TSPAN17: variants seen among roughly 807,000 people sequenced by gnomAD.
The protein encoded by TSPAN17 is tetraspanin-17.
A neutral mutation model predicts 40.5 loss-of-function variants in TSPAN17; 33 were observed. That is an observed-to-expected ratio of 0.81 (90% confidence interval 0.62 to 1.09). The LOEUF is 1.09. Among genes scored for constraint, TSPAN17 ranks in the 50% least tolerant of loss-of-function variants. TSPAN17 has a pLI of 0.00. For missense variants in TSPAN17, 365 were observed against 416.8 expected, an observed-to-expected ratio of 0.88 and a Z score of 1.08; for synonymous variants, 166 against 169.4, an observed-to-expected ratio of 0.98 and a Z score of 0.15.
rs1464005994 is a variant in TSPAN17 at position 176,651,663 on chromosome 5, G to A, written c.135G>A (p.Glu45=). The change falls in exon 2 of 9, where the codon GAG becomes GAA. Residue 45 remains glutamate (E), a synonymous_variant. Transcript: ENST00000508164. This position sits in a 1 kb window ranked among gnomAD's most constrained non-coding sequence, Gnocchi z 4.5. ...CTATCGGCCTCTGGGCCTGGGGTGAGAAGGTAAGGCAGCGGGCGGGCGTGG... is the reference window on the plus strand; with the variant it reads ...CTATCGGCCTCTGGGCCTGGGGTGAAAAGGTAAGGCAGCGGGCGGGCGTGG... ...FLAIGLWAWG[E]KGVLSNISAL... is the part of the protein sequence containing the mutation. 6.2e-7 allele frequency: 1 copy of A among 1,614,054 alleles called. No individual in the cohort carries two copies. Among genetic ancestry groups the A allele is most frequent in the Non-Finnish European group, 8.5e-7 (1 of 1,179,928 alleles).
At position 176,654,619 on chromosome 5, in the gene TSPAN17, T is replaced by G; in HGVS notation, c.457-276T>G. ...TCAGGTAGTCTGGAGGAAGCCACAG[T>G]CATTGAACCAGTATCCTTGTCCCAC... On this transcript the variant is annotated intron_variant, in intron 4 of 8. Transcript: ENST00000508164. The surrounding 1 kb of genome is among the most constrained non-coding windows in gnomAD (Gnocchi z 4.3). The G allele has an allele frequency of 2.4e-6, 1 of 420,778 alleles. No homozygotes were observed. Among genetic ancestry groups the G allele is most frequent in the South Asian group, 3.1e-5 (1 of 31,838 alleles). 26.1% of individuals were successfully genotyped at this position (420,778 alleles called of 1,614,324 possible).
chr5:176,654,549 C>T lies in TSPAN17; in HGVS notation c.457-346C>T. On this transcript the variant is annotated intron_variant, in intron 4 of 8. Coordinates refer to ENST00000508164, the MANE Select transcript of TSPAN17 (RefSeq NM_130465.5). This position sits in a 1 kb window ranked among gnomAD's most constrained non-coding sequence, Gnocchi z 4.3. The stretch of plus-strand genomic sequence containing the variant: ...TGGGAGGCCTGCTGCAGACATGGGG[C>T]CCAGCGGTCTCTGCTGCCACAGGGC... The T allele has an allele frequency of 4.0e-6, 1 of 249,856 alleles. No individual in the cohort carries two copies. The highest frequency in any genetic ancestry group is 6.4e-5 in the South Asian group (1 of 15,506). The allele number at this position is 249,856 out of a possible 1,614,324, so 15.5% of individuals were successfully genotyped here. A position where few individuals can be genotyped will look rare whatever the true frequency, so the allele number is the denominator to read the frequency against.
chr5:176,652,834 A>ACCT lies in TSPAN17; in HGVS notation c.379_381dup (p.Leu127dup). ...AAGGACTGGATTCGAGACCAGCTCA[A>ACCT]CCTCTTCATCAACAACAACGTCAAG... On this transcript the variant is annotated inframe_insertion, in exon 4 of 9. Coordinates refer to ENST00000508164, the MANE Select transcript of TSPAN17 (RefSeq NM_130465.5). 6.2e-7 allele frequency: 1 copy of ACCT among 1,614,178 alleles called. No homozygotes were observed.
rs1286209562 is a variant in TSPAN17, at chr5:176,657,629, C to T, written c.921C>T (p.Ala307=). 6.2e-7 allele frequency: 1 copy of T among 1,612,960 alleles called. No homozygotes were observed. Among genetic ancestry groups the T allele is most frequent in the Admixed American group, 1.7e-5 (1 of 59,738 alleles). Residue 307 remains alanine, a synonymous_variant, in exon 9 of 9, where the codon GCC becomes GCT. Transcript: ENST00000508164. ...QNSLTGAPGP[A]PPSRHVFFGL... ...CTCTGACTGGGGCCCCTGGCCCGGCCCCACCCAGCCGACATGTTTTCTTTG... is the reference window on the plus strand; with the variant it reads ...CTCTGACTGGGGCCCCTGGCCCGGCTCCACCCAGCCGACATGTTTTCTTTG...
At chr5:176,652,981 G>T in intron 4 of TSPAN17, 68 bp downstream of exon 4, 1 of 1,553,844 alleles carries the variant, frequency 6.4e-7, no homozygotes, top group East Asian at 2.2e-5. Flanking sequence ...GAGGGAGCAA[G>T]TTCCCTGTGA....
intron 5 of TSPAN17, among the ~76,000 whole-genome samples, chr5:176,655,444 G>A (rs1270433761): frequency 6.6e-6 from 1 of 152,188 alleles, no homozygotes; most frequent in Non-Finnish European, 1.5e-5. Context: ...GTAGCAGGGA[G>A]TGGGGACCTC....
At chr5:176,655,863 T>G (rs1276848660) in intron 5 of TSPAN17, among the ~76,000 whole-genome samples, 1 of 149,964 alleles carries the variant, frequency 6.7e-6, no homozygotes, top group African/African-American at 2.5e-5. Context: ...ATCGTGCCAC[T>G]GCACTCCAGC....
At chr5:176,653,120 G>A (rs536802916) in intron 4 of TSPAN17, 40 of 510,242 alleles carry the variant, frequency 7.8e-5, no homozygotes, top group African/African-American at 5.5e-4. Context: ...ATAGGGCCAC[G>A]GCCTTGGGAA....
chr5:176,653,216 A>G, intron 4 of TSPAN17: 2 of 259,400 alleles, frequency 7.7e-6, no homozygotes, highest in South Asian at 1.6e-4. Flanking sequence ...CATAAAATAT[A>G]GATTTCTACT....
In TSPAN17 at chr5:176,650,733, C is replaced by A. The variant is rs375739201; in HGVS notation, c.88-883C>A. On this transcript the variant is annotated intron_variant, in intron 1 of 8. Coordinates refer to ENST00000508164, the MANE Select transcript of TSPAN17 (RefSeq NM_130465.5). The surrounding 1 kb of genome is among the most constrained non-coding windows in gnomAD (Gnocchi z 4.0). ...GTGGCTATGTGCTGAGGGGAAGGAG[C>A]CTGCAGATAAAGCAGGTGGGTGGGG... Among the ~76,000 whole-genome samples the A allele has an allele frequency of 6.6e-6, 1 of 152,144 alleles. No individual in the cohort carries two copies. Among genetic ancestry groups the A allele is most frequent in the East Asian group, 1.9e-4 (1 of 5,182 alleles).
chr5:176,652,998 C>A, intron 4 of TSPAN17, 85 bp downstream of exon 4: 1 of 1,448,838 alleles, frequency 6.9e-7, no homozygotes, highest in Non-Finnish European at 9.6e-7. Flanking sequence ...GTGATGGGAC[C>A]ATCTCCTTAC....
At chr5:176,648,379 G>A (rs1322546656) in intron 1 of TSPAN17, among the ~76,000 whole-genome samples, 2 of 152,162 alleles carry the variant, frequency 1.3e-5, no homozygotes, top group Admixed American at 6.5e-5. Context: ...GCTCCTGGGC[G>A]GGTCTGCCCC....
In TSPAN17 at chr5:176,654,718, C is replaced by A; in HGVS notation, c.457-177C>A. 1 of 718,504 alleles carries A rather than the reference C, an allele frequency of 1.4e-6. No individual in the cohort carries two copies. The highest frequency in any genetic ancestry group is 2.3e-6 in the Non-Finnish European group (1 of 443,452). The allele number at this position is 718,504 out of a possible 1,614,324, so 44.5% of individuals were successfully genotyped here. On this transcript the variant is annotated intron_variant, in intron 4 of 8. Transcript: ENST00000508164. The surrounding 1 kb of genome is among the most constrained non-coding windows in gnomAD (Gnocchi z 4.3). ...TGTCCCCTCCCTTGCACCCCTCTGC[C>A]TCCACCAGCCTGGAGGTTGGGCCCA...
In TSPAN17 at chr5:176,650,717, T is replaced by C. The variant is rs1760934244; in HGVS notation, c.88-899T>C. ...GATAAAGGCCTTGGCCGTGGCTATG[T>C]GCTGAGGGGAAGGAGCCTGCAGATA... On this transcript the variant is annotated intron_variant, in intron 1 of 8. Coordinates refer to ENST00000508164, the MANE Select transcript of TSPAN17 (RefSeq NM_130465.5). The surrounding 1 kb of genome is among the most constrained non-coding windows in gnomAD (Gnocchi z 4.0). Among the ~76,000 whole-genome samples, 1 of 152,042 alleles carries C rather than the reference T, an allele frequency of 6.6e-6. No individual in the cohort carries two copies. The highest frequency in any genetic ancestry group is 6.6e-5 in the Admixed American group (1 of 15,266).
intron 8 of TSPAN17, 158 bp from the exon 9 acceptor site, chr5:176,657,360 C>T: frequency 1.5e-6 from 2 of 1,304,810 alleles, no homozygotes; most frequent in Non-Finnish European, 2.1e-6. Context: ...CTGTGCGTAG[C>T]TGTATGGGGC....
chr5:176,655,726 C>A (rs1053506428), intron 5 of TSPAN17, among the ~76,000 whole-genome samples: 1 of 108,762 alleles, frequency 9.2e-6, no homozygotes, highest in Admixed American at 1.1e-4. Flanking sequence ...AGTGAGACCT[C>A]GTGTCTACAA....
At chr5:176,657,385 A>G (rs1237721154) in intron 8 of TSPAN17, 133 bp from the exon 9 acceptor site, 5 of 1,453,756 alleles carry the variant, frequency 3.4e-6, no homozygotes, top group Non-Finnish European at 1.8e-6. Flanking sequence ...TGCCTGAGCC[A>G]CTGCCTCACA....
At chr5:176,655,154 G>A in intron 5 of TSPAN17, 134 bp downstream of exon 5, 1 of 1,173,290 alleles carries the variant, frequency 8.5e-7, no homozygotes, top group Non-Finnish European at 1.2e-6. Context: ...TTACATGGGT[G>A]GCACTGAGGC....
chr5:176,655,608 T>C (rs1407915607), intron 5 of TSPAN17, among the ~76,000 whole-genome samples: 1 of 151,998 alleles, frequency 6.6e-6, no homozygotes, highest in Non-Finnish European at 1.5e-5. Context: ...AGGTTGGCGA[T>C]TGCAGCCACG....
Sources: allele counts gnomAD v4.1 joint callset (sites outside exome capture counted in the v4.1 genomes callset), GRCh38; gene constraint gnomAD v4.1.1; non-coding constraint Gnocchi (gnomAD v3.1); transcripts MANE v1.5; gene names NCBI Gene and HGNC (gene_info 2026-07-23, HGNC 2026-07-21).